The following DENND2B variants were observed in gnomAD, a reference collection of about 807,000 sequenced individuals.
The protein encoded by DENND2B is DENN domain-containing protein 2B.
In DENND2B, 32 loss-of-function variants were observed where a neutral mutation model predicts 116.0. The observed-to-expected ratio is 0.28, with a 90% CI of 0.21 to 0.37. The LOEUF is 0.37. Ranked by LOEUF, DENND2B falls within the 10% of genes least tolerant of loss-of-function variation. The pLI is 1.00. For missense variants in DENND2B, 1,276 were observed against 1,477.7 expected (o/e 0.86, Z 2.24); for synonymous variants, 588 against 583.9 (o/e 1.01, Z -0.10).
chr11:8,734,259 G>A (rs560525934), intron 2 of DENND2B, among the ~76,000 whole-genome samples: 4 of 151,908 alleles, frequency 2.6e-5, no homozygotes, highest in African/African-American at 7.2e-5. Flanking sequence ...ATTTTACATC[G>A]CAGGGTTGTC....
chr11:8,737,249 G>C (rs2049217452), intron 2 of DENND2B, among the ~76,000 whole-genome samples: 1 of 152,190 alleles, frequency 6.6e-6, no homozygotes, highest in African/African-American at 2.4e-5. Context: ...AGTGTAGCTA[G>C]AGAAGTCCAA....
intron 4 of DENND2B, among the ~76,000 whole-genome samples, chr11:8,831,404 C>T (rs1000331011): frequency 6.6e-6 from 1 of 152,210 alleles, no homozygotes; most frequent in African/African-American, 2.4e-5. Flanking sequence ...GCAAATACAC[C>T]TCTGCAAAAG....
intron 4 of DENND2B, chr11:8,718,771 A>G (rs2045585727): frequency 1.9e-6 from 2 of 1,032,326 alleles, no homozygotes; most frequent in Admixed American, 5.0e-5. Context: ...AAAATCTCAG[A>G]AAAGTCCAAA....
At chr11:8,835,604 C>A (rs2062389603) in intron 4 of DENND2B, 1 of 152,108 alleles carries the variant, frequency 6.6e-6, no homozygotes. Flanking sequence ...GAACACTTAC[C>A]TGAGGGAGAC....
Position 8,696,607 on chromosome 11 carries a change from C to T in DENND2B, c.3112G>A (p.Val1038Ile), listed in dbSNP as rs144416409. The T allele has an allele frequency of 9.1e-5, 147 of 1,614,210 alleles. 1 individual carries two copies. Among genetic ancestry groups the T allele is most frequent in the Middle Eastern group, 8.2e-4 (5 of 6,062 alleles). Residue 1038 changes from valine to isoleucine, a missense_variant, in exon 18 of 20, where the codon GTT becomes ATT. Val to Ile is a conservative substitution (Grantham distance 29). Coordinates refer to ENST00000313726, the MANE Select transcript of DENND2B (RefSeq NM_213618.2). ...GTCAGAAAGAGGGAGTAGTGCCCAA[C>T]GGTCTCCACAAAGAACCGGATAAAC... ...EVFIRFFVET[V>I]GHYSLFLTQS...
chr11:8,712,690 G>A lies in DENND2B; in HGVS notation c.2033C>T (p.Ala678Val). 4 of 1,612,012 alleles carry A rather than the reference G, an allele frequency of 2.5e-6. No individual in the cohort carries two copies. Among genetic ancestry groups the A allele is most frequent in the Non-Finnish European group, 3.4e-6 (4 of 1,179,364 alleles). ...LVHIQSMLKR[A>V]PSYRTLELEL... ...CAGCTCCAGCGTGCGATAGCTGGGG[G>A]CGCGCTTCAGCATCGACTGGATGTG... Residue 678 changes from alanine (A) to valine (V), a missense_variant, in exon 9 of 20, where the codon GCC becomes GTC. Physicochemically the swap from Ala to Val is moderately conservative, Grantham distance 64 (BLOSUM62 0). Around this residue, in one of 2 missense-constraint regions of DENND2B, gnomAD observed 420 missense variants for 631.1 expected, o/e 0.67. Coordinates refer to ENST00000313726, the MANE Select transcript of DENND2B (RefSeq NM_213618.2). The surrounding 1 kb of genome is among the most constrained non-coding windows in gnomAD (Gnocchi z 4.4).
intron 1 of DENND2B, among the ~76,000 whole-genome samples, chr11:8,804,433 C>A (rs2060643107): frequency 6.6e-6 from 1 of 152,038 alleles, no homozygotes; most frequent in Admixed American, 6.6e-5. Flanking sequence ...GGGAGGAAAT[C>A]CTGTGTTATT....
rs564972350 is a variant in DENND2B at position 8,824,727 on chromosome 11, C to A, written c.-114-13392G>T. On this transcript the variant is annotated intron_variant, in intron 4 of 6. Transcript: ENST00000524757. Reference sequence around the variant, plus strand: ...TTTTGGAGACAGAGTCTTACTCTGTCACCCAGTCTGGAATGCAGTGGCACA... The same window carrying A: ...TTTTGGAGACAGAGTCTTACTCTGTAACCCAGTCTGGAATGCAGTGGCACA... 1.2e-4 allele frequency among the ~76,000 whole-genome samples: 18 copies of A among 150,288 alleles called. No individual in the cohort carries two copies. In the South Asian group the frequency reaches 2.1e-3, roughly 18 times the overall value.
intron 1 of DENND2B, among the ~76,000 whole-genome samples, chr11:8,885,135 T>C (rs1594339381): frequency 6.6e-6 from 1 of 152,234 alleles, no homozygotes; most frequent in Non-Finnish European, 1.5e-5. Flanking sequence ...CTCTGATCCA[T>C]GGCCTTGTTG....
At chr11:8,722,582 G>A (rs879299809) in intron 4 of DENND2B, among the ~76,000 whole-genome samples, 1 of 152,134 alleles carries the variant, frequency 6.6e-6, no homozygotes, top group Non-Finnish European at 1.5e-5. Flanking sequence ...CCAAACTCTC[G>A]GGCCTGTCCC....
intron 2 of DENND2B, among the ~76,000 whole-genome samples, chr11:8,746,317 T>G (rs183404783): frequency 6.6e-6 from 1 of 152,336 alleles, no homozygotes; most frequent in Admixed American, 6.5e-5. Context: ...ACCCTCTGCA[T>G]AAAAACCTGC....
At chr11:8,747,509 C>A (rs964242531) in intron 2 of DENND2B, among the ~76,000 whole-genome samples, 1 of 152,170 alleles carries the variant, frequency 6.6e-6, no homozygotes, top group African/African-American at 2.4e-5. Flanking sequence ...AGTTACCAAC[C>A]TGCTTCCAGT....
At chr11:8,717,280 A>G (rs973543495) in intron 5 of DENND2B, among the ~76,000 whole-genome samples, 18 of 152,106 alleles carry the variant, frequency 1.2e-4, no homozygotes, top group Admixed American at 4.6e-4. Flanking sequence ...GGCTCTCCAA[A>G]TGTGGTTTGG....
At chr11:8,709,332 T>G (rs1322898165) in intron 11 of DENND2B, among the ~76,000 whole-genome samples, 1 of 152,172 alleles carries the variant, frequency 6.6e-6, no homozygotes, top group African/African-American at 2.4e-5. Context: ...GTGTCCAATC[T>G]GCAGGAATGC....
chr11:8,698,004 TG>T, intron 16 of DENND2B: 1 of 419,216 alleles, frequency 2.4e-6, no homozygotes. Context: ...TCAAGTATGG[TG>T]GCATGCACCT....
At chr11:8,726,432 T>C (rs1461006291) in intron 3 of DENND2B, 3 of 475,898 alleles carry the variant, frequency 6.3e-6, no homozygotes, top group Non-Finnish European at 1.1e-5. Flanking sequence ...ATAATACCGC[T>C]ATTAGATAAC....
At chr11:8,828,500 C>T (rs894348274) in intron 4 of DENND2B, among the ~76,000 whole-genome samples, 5 of 152,146 alleles carry the variant, frequency 3.3e-5, no homozygotes, top group African/African-American at 1.2e-4. Flanking sequence ...TGAGGGGTCA[C>T]TGCTTTCAAG....
chr11:8,708,449 C>T (rs1194954727), intron 11 of DENND2B: 1 of 552,746 alleles, frequency 1.8e-6, no homozygotes, highest in African/African-American at 2.1e-5. Context: ...GATTATTATC[C>T]CCTTTATAGA....
chr11:8,764,895 A>G (rs1310683048), intron 1 of DENND2B, among the ~76,000 whole-genome samples: 1 of 141,644 alleles, frequency 7.1e-6, no homozygotes, highest in Non-Finnish European at 1.5e-5. Flanking sequence ...CAGTGAGCTG[A>G]GATCGCGCCA....
Sources: allele counts gnomAD v4.1 joint callset (sites outside exome capture counted in the v4.1 genomes callset), GRCh38; gene constraint gnomAD v4.1.1; regional missense constraint gnomAD v4.1.1; non-coding constraint Gnocchi (gnomAD v3.1); transcripts MANE v1.5; gene names NCBI Gene and HGNC (gene_info 2026-07-23, HGNC 2026-07-21).